Variants in RAP1A observed in about 807,000 individuals in gnomAD.
The protein encoded by RAP1A is RAP1A, member of RAS oncogene family.
Under a neutral mutation model 26.4 loss-of-function variants are expected in RAP1A, and 6 were observed. The ratio of observed to expected loss-of-function variants is 0.23; its 90% CI spans 0.12 to 0.45. The LOEUF is 0.45. Among genes scored for constraint, RAP1A ranks in the 20% least tolerant of loss-of-function variants. RAP1A has a pLI of 0.99. For synonymous variants in RAP1A, 73 were observed against 79.4 expected, an observed-to-expected ratio of 0.92 and a Z score of 0.43; for missense variants, 121 against 217.2, an observed-to-expected ratio of 0.56 and a Z score of 2.78.
chr1:111,593,652 CTTTT>C (rs994763442), intron 1 of RAP1A, among the ~76,000 whole-genome samples: 12 of 65,410 alleles, frequency 1.8e-4, no homozygotes, highest in African/African-American at 6.8e-4. Context: ...ATGACTCCTA[CTTTT>C]TTTTTTTTTT....
chr1:111,691,304 T>C, intron 1 of RAP1A, 30 bp from the exon 2 acceptor site: 1 of 1,501,202 alleles, frequency 6.7e-7, no homozygotes, highest in Non-Finnish European at 9.3e-7. Flanking sequence ...GCATGTTTCT[T>C]AATCTTTGAT....
intron 1 of RAP1A, among the ~76,000 whole-genome samples, chr1:111,650,888 G>A (rs537955452): frequency 1.3e-4 from 20 of 151,672 alleles, no homozygotes; most frequent in Non-Finnish European, 2.2e-4. Context: ...TGCAACCTCC[G>A]CCTCCCAGGT....
chr1:111,625,304 T>C (rs986837610), intron 1 of RAP1A, among the ~76,000 whole-genome samples: 16 of 152,170 alleles, frequency 1.1e-4, no homozygotes, highest in African/African-American at 3.9e-4. Context: ...TTAGCTGTCT[T>C]TCGTTTTTTA....
At chr1:111,629,943 A>G (rs1490976385) in intron 1 of RAP1A, among the ~76,000 whole-genome samples, 1 of 152,208 alleles carries the variant, frequency 6.6e-6, no homozygotes, top group Non-Finnish European at 1.5e-5. Flanking sequence ...TCTCCCCATC[A>G]TTCCTACTCC....
At chr1:111,566,866 GT>G (rs56397519) in intron 1 of RAP1A, among the ~76,000 whole-genome samples, 10,162 of 137,154 alleles carry the variant, frequency 0.074, 783 homozygotes, top group African/African-American at 0.21. Flanking sequence ...TGGTGGTTGG[GT>G]TTTTTTTTTT....
At chr1:111,648,590 G>T in intron 1 of RAP1A, 1 of 533,488 alleles carries the variant, frequency 1.9e-6, no homozygotes, top group Non-Finnish European at 3.5e-6. Flanking sequence ...TCTGCAGGAA[G>T]TAGAGGGCCT....
chr1:111,654,713 A>G (rs1347962040), intron 1 of RAP1A, among the ~76,000 whole-genome samples: 2 of 151,562 alleles, frequency 1.3e-5, no homozygotes, highest in African/African-American at 2.4e-5. Context: ...TAAGTTTAAG[A>G]AGTCCAGAGA....
intron 1 of RAP1A, among the ~76,000 whole-genome samples, chr1:111,664,654 T>C (rs951415351): frequency 1.3e-5 from 2 of 152,180 alleles, no homozygotes; most frequent in Non-Finnish European, 2.9e-5. Context: ...TGTCCTGTCA[T>C]TCCTCAGCTT....
intron 1 of RAP1A, among the ~76,000 whole-genome samples, chr1:111,607,174 CGCAGTG>C (rs1410369424): frequency 1.3e-5 from 2 of 151,334 alleles, no homozygotes; most frequent in Admixed American, 1.3e-4. Context: ...TGCGGCCTTC[CGCAGTG>C]TTTGTGTCCC....
At chr1:111,547,383 T>C (rs1417237755) in intron 1 of RAP1A, among the ~76,000 whole-genome samples, 1 of 152,140 alleles carries the variant, frequency 6.6e-6, no homozygotes, top group Non-Finnish European at 1.5e-5. Flanking sequence ...TAATATTATA[T>C]TGATTAATTT....
At chr1:111,577,270 C>T (rs1658165130) in intron 1 of RAP1A, among the ~76,000 whole-genome samples, 1 of 151,896 alleles carries the variant, frequency 6.6e-6, no homozygotes, top group African/African-American at 2.4e-5. Flanking sequence ...GGTGTGGTGG[C>T]ATGCGCCTGT....
chr1:111,616,220 T>A (rs562784099), upstream of RAP1A, among the ~76,000 whole-genome samples: 2 of 152,328 alleles, frequency 1.3e-5, no homozygotes, highest in Non-Finnish European at 2.9e-5. Context: ...AAAGTGCCCA[T>A]TGGGTTCTCC....
intron 4 of RAP1A, among the ~76,000 whole-genome samples, chr1:111,699,219 T>C (rs1661936850): frequency 6.6e-6 from 1 of 152,148 alleles, no homozygotes; most frequent in Non-Finnish European, 1.5e-5. Context: ...TCACATACAC[T>C]GATTCAATCA....
intron 1 of RAP1A, among the ~76,000 whole-genome samples, chr1:111,614,222 C>A (rs1001399256): frequency 2.6e-5 from 4 of 152,068 alleles, no homozygotes; most frequent in Admixed American, 6.6e-5. Flanking sequence ...ACTAATAATA[C>A]GTACTTTAAT....
At chr1:111,573,261 CT>C (rs1658083484) in intron 1 of RAP1A, among the ~76,000 whole-genome samples, 1 of 152,146 alleles carries the variant, frequency 6.6e-6, no homozygotes, top group Non-Finnish European at 1.5e-5. Flanking sequence ...TGGGTATATA[CT>C]GAGTAATGGG....
At chr1:111,612,071 T>A (rs1190480957) in intron 1 of RAP1A, among the ~76,000 whole-genome samples, 1 of 152,064 alleles carries the variant, frequency 6.6e-6, no homozygotes, top group Non-Finnish European at 1.5e-5. Flanking sequence ...AAACTAGGCT[T>A]CTGGATTTCT....
intron 1 of RAP1A, among the ~76,000 whole-genome samples, chr1:111,660,168 C>G (rs1489238182): frequency 1.3e-5 from 2 of 152,198 alleles, no homozygotes; most frequent in African/African-American, 4.8e-5. Context: ...AGGATAGTGT[C>G]ACTTAATACA....
chr1:111,660,640 C>T (rs1660604131), intron 1 of RAP1A, among the ~76,000 whole-genome samples: 1 of 152,168 alleles, frequency 6.6e-6, no homozygotes, highest in Non-Finnish European at 1.5e-5. Flanking sequence ...TTCTCTTTTA[C>T]AACCAGAGAG....
Position 111,695,384 on chromosome 1 carries a change from C to A in RAP1A, c.101C>A (p.Pro34Gln). ...VQGIFVEKYDPTIEDSYRKQV... is the reference protein window; with the variant it reads ...VQGIFVEKYDQTIEDSYRKQV... ...GGAATTTTTGTTGAAAAATATGACC[C>A]AACGATAGAAGATTCCTACAGAAAG... Residue 34 changes from proline (P) to glutamine (Q), a missense_variant, in exon 3 of 8, where the codon CCA (proline) becomes CAA (glutamine). Physicochemically the swap from Pro to Gln is moderately conservative, Grantham distance 76 (BLOSUM62 -1). Coordinates refer to ENST00000369709, the MANE Select transcript of RAP1A (RefSeq NM_002884.4). The A allele has an allele frequency of 6.4e-7, 1 of 1,568,640 alleles. No individual in the cohort carries two copies. The highest frequency in any genetic ancestry group is 1.2e-5 in the South Asian group (1 of 82,216).
Sources: gnomAD v4.1 joint callset for allele counts (sites outside exome capture counted in the v4.1 genomes callset) on GRCh38, gnomAD v4.1.1 for gene constraint, MANE v1.5 for transcripts, NCBI Gene and HGNC (gene_info 2026-07-23, HGNC 2026-07-21) for gene names.